The following NKAIN2 variants were observed in gnomAD, a reference collection of about 807,000 sequenced individuals.
The protein encoded by NKAIN2 is sodium/potassium transporting ATPase interacting 2.
A neutral mutation model predicts 32.6 loss-of-function variants in NKAIN2; 14 were observed. The observed-to-expected ratio is 0.43, with a 90% CI of 0.28 to 0.67. NKAIN2 has a LOEUF of 0.67. Ranked by LOEUF, NKAIN2 falls within the 30% of genes least tolerant of loss-of-function variation. NKAIN2 has a pLI of 0.17. For synonymous variants in NKAIN2, 80 were observed against 87.2 expected, an observed-to-expected ratio of 0.92 and a Z score of 0.46; for missense variants, 198 against 258.3, an observed-to-expected ratio of 0.77 and a Z score of 1.60.
chr6:124,182,890 TC>T (rs1299324674), intron 1 of NKAIN2, among the ~76,000 whole-genome samples: 4 of 152,188 alleles, frequency 2.6e-5, no homozygotes, highest in African/African-American at 9.6e-5. Context: ...TGCCCTATGT[TC>T]CTACTGTTTT....
intron 5 of NKAIN2, among the ~76,000 whole-genome samples, chr6:124,808,671 T>C (rs1056007152): frequency 1.3e-5 from 2 of 152,040 alleles, no homozygotes; most frequent in Admixed American, 6.6e-5. Flanking sequence ...GGGTATTCAA[T>C]AGGAAAAGAG....
chr6:124,284,295 G>A (rs895668468), intron 2 of NKAIN2, among the ~76,000 whole-genome samples: 2 of 151,902 alleles, frequency 1.3e-5, no homozygotes, highest in African/African-American at 2.4e-5. Flanking sequence ...AGTGTAGGGC[G>A]GGTTGTACAG....
chr6:124,710,713 C>A (rs1775398908), intron 4 of NKAIN2, among the ~76,000 whole-genome samples: 1 of 147,518 alleles, frequency 6.8e-6, no homozygotes, highest in Non-Finnish European at 1.5e-5. Context: ...TTATTTTGAG[C>A]CTATGTGTGT....
At chr6:124,361,727 G>A (rs1799297156) in intron 3 of NKAIN2, among the ~76,000 whole-genome samples, 1 of 151,882 alleles carries the variant, frequency 6.6e-6, no homozygotes, top group Admixed American at 6.6e-5. Flanking sequence ...TAAGCTTTAG[G>A]GAATAAAATT....
chr6:124,339,039 T>G (rs1053196748), intron 2 of NKAIN2, among the ~76,000 whole-genome samples: 1 of 152,120 alleles, frequency 6.6e-6, no homozygotes, highest in African/African-American at 2.4e-5. Flanking sequence ...CTGCAGAAAT[T>G]GGCCGGACCC....
chr6:123,863,683 G>A (rs888618567), intron 1 of NKAIN2, among the ~76,000 whole-genome samples: 4 of 152,142 alleles, frequency 2.6e-5, no homozygotes, highest in Non-Finnish European at 2.9e-5. Flanking sequence ...CCATACTAAA[G>A]TTCCTCCTGG....
chr6:124,412,680 A>G (rs1020493551), intron 3 of NKAIN2, among the ~76,000 whole-genome samples: 4 of 152,098 alleles, frequency 2.6e-5, no homozygotes, highest in African/African-American at 4.8e-5. Flanking sequence ...GTGCTGGGAG[A>G]ACCACTACTC....
chr6:123,807,207 A>G (rs1773253700), intron 1 of NKAIN2, among the ~76,000 whole-genome samples: 1 of 152,126 alleles, frequency 6.6e-6, no homozygotes, highest in Non-Finnish European at 1.5e-5. Flanking sequence ...CTAGAATTCC[A>G]TACCATAGAG....
At chr6:124,089,784 GT>G (rs1325007042) in intron 1 of NKAIN2, among the ~76,000 whole-genome samples, 5 of 151,940 alleles carry the variant, frequency 3.3e-5, no homozygotes, top group African/African-American at 4.8e-5. Context: ...AGGCACTAGC[GT>G]TATCTTGGCT....
At chr6:124,307,427 G>C (rs1796551405) in intron 2 of NKAIN2, among the ~76,000 whole-genome samples, 2 of 152,130 alleles carry the variant, frequency 1.3e-5, no homozygotes, top group Non-Finnish European at 2.9e-5. Context: ...GGGAGGAGTG[G>C]TAGGTAGGTG....
intron 1 of NKAIN2, among the ~76,000 whole-genome samples, chr6:124,224,708 T>C (rs1792015875): frequency 6.6e-6 from 1 of 152,126 alleles, no homozygotes; most frequent in African/African-American, 2.4e-5. Context: ...ATCTTGATCT[T>C]TTCACATTAT....
At chr6:124,631,678 CTT>C (rs1181023995) in intron 3 of NKAIN2, among the ~76,000 whole-genome samples, 4 of 152,090 alleles carry the variant, frequency 2.6e-5, no homozygotes, top group African/African-American at 9.7e-5. Context: ...CAGCTTGACT[CTT>C]TGGCAAACTC....
At chr6:124,086,611 G>T (rs1784200252) in intron 1 of NKAIN2, among the ~76,000 whole-genome samples, 3 of 151,788 alleles carry the variant, frequency 2.0e-5, no homozygotes, top group Admixed American at 1.3e-4. Context: ...CAATTGCTGG[G>T]CATCACTATA....
At chr6:124,155,895 G>T (rs1341574097) in intron 1 of NKAIN2, among the ~76,000 whole-genome samples, 1 of 151,446 alleles carries the variant, frequency 6.6e-6, no homozygotes, top group Non-Finnish European at 1.5e-5. Flanking sequence ...GCACCTTAAG[G>T]TCCTTTGAAT....
chr6:124,588,606 T>C (rs1289045475), intron 3 of NKAIN2, among the ~76,000 whole-genome samples: 2 of 152,158 alleles, frequency 1.3e-5, no homozygotes, highest in African/African-American at 2.4e-5. Flanking sequence ...ATATTAATAA[T>C]TTGGTGAGCT....
intron 3 of NKAIN2, among the ~76,000 whole-genome samples, chr6:124,405,319 G>A (rs1583197199): frequency 1.3e-5 from 2 of 152,104 alleles, no homozygotes; most frequent in African/African-American, 4.8e-5. Context: ...CAGAAAATTT[G>A]TGGATAATTA....
chr6:124,444,742 T>C (rs1775822032), intron 3 of NKAIN2, among the ~76,000 whole-genome samples: 1 of 151,998 alleles, frequency 6.6e-6, no homozygotes, highest in Non-Finnish European at 1.5e-5. Context: ...TTTATGTCCC[T>C]ATAGAATTCC....
chr6:124,312,948 A>C (rs995093302), intron 2 of NKAIN2, among the ~76,000 whole-genome samples: 1 of 152,134 alleles, frequency 6.6e-6, no homozygotes, highest in Admixed American at 6.6e-5. Flanking sequence ...GGGCAGGTGC[A>C]AGGAGGATGG....
chr6:124,075,833 T>C lies in NKAIN2; in HGVS notation c.55-207172T>C, dbSNP rs190302399. On this transcript the variant is annotated intron_variant, in intron 1 of 6. Transcript: ENST00000368417. ...CTGGTCTGGAACTCCTGACCTCAAG[T>C]GATCTGCCTGTCTCAGCCTCTCAAA... Among the ~76,000 whole-genome samples the C allele has an allele frequency of 1.8e-4, 27 of 152,298 alleles. 1 individual carries two copies. The highest frequency in any genetic ancestry group is 6.8e-3 in the Middle Eastern group (2 of 294).
Sources: allele counts gnomAD v4.1 joint callset (sites outside exome capture counted in the v4.1 genomes callset), GRCh38; gene constraint gnomAD v4.1.1; transcripts MANE v1.5; gene names NCBI Gene and HGNC (gene_info 2026-07-23, HGNC 2026-07-21).